The following DMGDH variants were observed in gnomAD, a reference collection of about 807,000 sequenced individuals.
The protein encoded by DMGDH is dimethylglycine dehydrogenase, also known as dimethylglycine dehydrogenase, mitochondrial.
DMGDH carries 76 observed loss-of-function variants against 95.2 expected under a neutral mutation model. That is an observed-to-expected ratio of 0.80 (90% CI 0.66 to 0.97). DMGDH has a LOEUF of 0.97. Among genes scored for constraint, DMGDH ranks in the 50% least tolerant of loss-of-function variants. The pLI is 0.00. For missense variants in DMGDH, 987 were observed against 1,055.0 expected, an observed-to-expected ratio of 0.94 and a Z score of 0.89; for synonymous variants, 345 against 377.6, an observed-to-expected ratio of 0.91 and a Z score of 1.00.
At chr5:79,018,531 C>T (rs143644349) in intron 14 of DMGDH, among the ~76,000 whole-genome samples, 6 of 133,834 alleles carry the variant, frequency 4.5e-5, no homozygotes, top group Non-Finnish European at 8.0e-5. Context: ...GGGAGGGTGG[C>T]GGGTAGGGAT....
chr5:79,030,450 G>A (rs566464668), intron 10 of DMGDH: 7 of 254,238 alleles, frequency 2.8e-5, no homozygotes, highest in South Asian at 9.8e-5. Flanking sequence ...TCAGGAGTTC[G>A]AGACCAACAT....
In DMGDH at chr5:79,069,509, G is replaced by T; in HGVS notation, c.101+11C>A. 7.8e-7 allele frequency: 1 copy of T among 1,278,206 alleles called. No individual in the cohort carries two copies. The highest frequency in any genetic ancestry group is 9.9e-7 in the Non-Finnish European group (1 of 1,012,486). 79.2% of individuals were successfully genotyped at this position (1,278,206 alleles called of 1,614,324 possible). On this transcript the variant is annotated intron_variant, in intron 1 of 15. Coordinates refer to ENST00000255189, the MANE Select transcript of DMGDH (RefSeq NM_013391.3). ...CCCCGTCGCCTCTGAGCAGGACGGG[G>T]CCCCACTCACCCTTCCCGGCCGCAG...
At chr5:79,012,287 T>C (rs1185773553) in intron 14 of DMGDH, among the ~76,000 whole-genome samples, 1 of 152,204 alleles carries the variant, frequency 6.6e-6, no homozygotes, top group Non-Finnish European at 1.5e-5. Context: ...ATAATCTCCT[T>C]TGACTCCATA....
At chr5:79,043,585 T>C (rs1459558416) in intron 6 of DMGDH, among the ~76,000 whole-genome samples, 1 of 152,248 alleles carries the variant, frequency 6.6e-6, no homozygotes, top group Non-Finnish European at 1.5e-5. Flanking sequence ...GGAAGTACCA[T>C]TTCCTACATT....
At chr5:79,019,461 A>T (rs921315390) in intron 14 of DMGDH, among the ~76,000 whole-genome samples, 3 of 72,308 alleles carry the variant, frequency 4.1e-5, no homozygotes, top group African/African-American at 1.7e-4. Flanking sequence ...CACTGCATTA[A>T]AAAAAAAAAA....
intron 15 of DMGDH, among the ~76,000 whole-genome samples, chr5:78,998,804 C>A (rs1753403211): frequency 6.6e-6 from 1 of 152,098 alleles, no homozygotes; most frequent in Non-Finnish European, 1.5e-5. Flanking sequence ...GAGCTGAGAT[C>A]TGGCCACTGC....
intron 14 of DMGDH, chr5:79,021,589 A>T (rs769557970): frequency 3.8e-6 from 5 of 1,303,988 alleles, no homozygotes; most frequent in Non-Finnish European, 5.0e-6. Flanking sequence ...ACAGGTTTTG[A>T]CAAGAACACG....
chr5:79,047,962 G>A (rs1362438378), intron 5 of DMGDH, among the ~76,000 whole-genome samples: 2 of 152,020 alleles, frequency 1.3e-5, no homozygotes, highest in Non-Finnish European at 2.9e-5. Context: ...AGCTCTTTGG[G>A]AAGTCAACTT....
Position 79,026,514 on chromosome 5 carries a change from A to C in DMGDH, c.2100T>G (p.Asn700Lys). ...DSVALYDAIM[N>K]AGQEEGIDNF... ...TGTCGATTCCCTCCTCCTGGCCTGCATTCATGATAGCGTCATACAGCGCCA... is the reference window on the plus strand; with the variant it reads ...TGTCGATTCCCTCCTCCTGGCCTGCCTTCATGATAGCGTCATACAGCGCCA... Residue 700 changes from asparagine to lysine, a missense_variant, in exon 13 of 16, where the codon AAT becomes AAG. Physicochemically the swap from Asn to Lys is moderately conservative, Grantham distance 94. Transcript: ENST00000255189. The C allele has an allele frequency of 6.2e-7, 1 of 1,614,166 alleles. No individual in the cohort carries two copies. The highest frequency in any genetic ancestry group is 8.5e-7 in the Non-Finnish European group (1 of 1,180,022).
intron 14 of DMGDH, among the ~76,000 whole-genome samples, chr5:79,006,821 G>T (rs920234028): frequency 1.0e-4 from 15 of 149,120 alleles, no homozygotes; most frequent in African/African-American, 3.5e-4. Flanking sequence ...CAGCAGCAGG[G>T]GTCCTCACAC....
Position 79,032,803 on chromosome 5 carries a change from C to T in DMGDH, c.1401G>A (p.Pro467=), listed in dbSNP as rs534488827. The T allele has an allele frequency of 2.7e-5, 43 of 1,614,120 alleles. No homozygotes were observed. The highest frequency in any genetic ancestry group is 5.5e-5 in the South Asian group (5 of 91,062). ...GATAGAGCCCACTGACTCGTTGAGT[C>T]GGCCTCCCAGCAAACCGTTCTTCTT... ...YPKEERFAGR[P]TQRVSGLYQR... is the part of the protein sequence containing the mutation. The change falls in exon 9 of 16, where the codon CCG becomes CCA. Residue 467 remains proline (P), a synonymous_variant. Transcript: ENST00000255189.
At chr5:79,037,894 C>T (rs559882651) in intron 7 of DMGDH, among the ~76,000 whole-genome samples, 1 of 152,258 alleles carries the variant, frequency 6.6e-6, no homozygotes, top group African/African-American at 2.4e-5. Context: ...ACTCTGAAAA[C>T]TACAAATCAT....
intron 2 of DMGDH, among the ~76,000 whole-genome samples, chr5:79,060,515 A>G (rs1755168430): frequency 6.6e-6 from 1 of 152,176 alleles, no homozygotes; most frequent in African/African-American, 2.4e-5. Flanking sequence ...CTCATGGAGC[A>G]CATATCGTGC....
rs970405859 is a variant in DMGDH at position 79,021,224 on chromosome 5, G to C, written c.2250+3047C>G. 2.1e-5 allele frequency: 21 copies of C among 1,010,168 alleles called. No individual in the cohort carries two copies. In the African/African-American group the frequency reaches 2.9e-4, roughly 14 times the overall value. The allele number at this position is 1,010,168 out of a possible 1,614,324, so 62.6% of individuals were successfully genotyped here. On this transcript the variant is annotated intron_variant, in intron 14 of 15. Transcript: ENST00000255189. ...TGGCAGTGTTGTATGCGGCTGGAGA[G>C]CCCTCCACTTGCGGAAGGGTTATCT... is the stretch of plus-strand genomic sequence containing the variant.
intron 5 of DMGDH, among the ~76,000 whole-genome samples, chr5:79,049,197 G>A (rs998399938): frequency 6.6e-6 from 1 of 152,096 alleles, no homozygotes; most frequent in African/African-American, 2.4e-5. Context: ...CTAGTGTTAC[G>A]GGTTTAGGTC....
At chr5:79,021,770 A>T in intron 14 of DMGDH, 2 of 1,222,456 alleles carry the variant, frequency 1.6e-6, no homozygotes, top group Non-Finnish European at 2.2e-6. Context: ...AATATATGTT[A>T]CCAGAGAGAG....
intron 2 of DMGDH, among the ~76,000 whole-genome samples, chr5:79,060,197 C>G (rs192266059): frequency 8.5e-5 from 13 of 152,294 alleles, no homozygotes; most frequent in Non-Finnish European, 1.8e-4. Context: ...TCTTATATCA[C>G]CTCCTACACC....
chr5:79,067,222 T>C (rs1214300312), intron 1 of DMGDH, among the ~76,000 whole-genome samples: 5 of 152,148 alleles, frequency 3.3e-5, no homozygotes, highest in African/African-American at 1.2e-4. Flanking sequence ...GTTTCAGCAG[T>C]TTTGTTTCAC....
intron 7 of DMGDH, among the ~76,000 whole-genome samples, chr5:79,034,439 T>G (rs147023087): frequency 2.0e-4 from 31 of 152,244 alleles, no homozygotes; most frequent in Non-Finnish European, 4.3e-4. Flanking sequence ...AGAAAATGGA[T>G]GGGTTTTACA....
Sources: allele counts gnomAD v4.1 joint callset (sites outside exome capture counted in the v4.1 genomes callset), GRCh38; gene constraint gnomAD v4.1.1; transcripts MANE v1.5; gene names NCBI Gene and HGNC (gene_info 2026-07-23, HGNC 2026-07-21).